RP1: variants seen among roughly 807,000 people sequenced by gnomAD.
RP1 encodes the protein oxygen-regulated protein 1.
A neutral mutation model predicts 14.8 loss-of-function variants in RP1; 16 were observed. That is an observed-to-expected ratio of 1.08 (90% CI 0.73 to 1.65). RP1 has a LOEUF of 1.65. RP1 is among the 40% of genes most tolerant of loss of function. The pLI is 0.00. For missense variants in RP1, 2,631 were observed against 2,535.0 expected, an observed-to-expected ratio of 1.04 and a Z score of -0.81; for synonymous variants, 876 against 883.6, an observed-to-expected ratio of 0.99 and a Z score of 0.15.
chr8:54,571,908 G>A (rs1316485912), intron 1 of RP1, among the ~76,000 whole-genome samples: 1 of 152,042 alleles, frequency 6.6e-6, no homozygotes, highest in Non-Finnish European at 1.5e-5. Flanking sequence ...GATTGGATTA[G>A]GGCCTACCCT....
At position 54,759,011 on chromosome 8, in the gene RP1, G is replaced by A. The variant is rs1478135871; in HGVS notation, c.3183G>A (p.Trp1061Ter). Residue 1061 changes from tryptophan (W) to a stop codon, truncating the protein, a stop_gained, in exon 22 of 23, where the codon TGG (tryptophan) becomes TGA (stop). Coordinates refer to the RP1 transcript ENST00000636932. LOFTEE classifies it high-confidence loss of function. The stretch of plus-strand genomic sequence containing the variant: ...AGGCCAGTGACAAATCACAGTACTG[G>A]TACTGTGAACAAGTCATAGTCAGAG... 1 of 1,535,682 alleles carries A rather than the reference G, an allele frequency of 6.5e-7. No homozygotes were observed. The highest frequency in any genetic ancestry group is 8.7e-7 in the Non-Finnish European group (1 of 1,146,850).
At chr8:54,845,085 G>A (rs1811882449) in intron 25 of RP1, among the ~76,000 whole-genome samples, 2 of 152,192 alleles carry the variant, frequency 1.3e-5, no homozygotes, top group South Asian at 4.1e-4. Context: ...AACACATATG[G>A]ACCTGGGTCT....
chr8:54,561,200 A>C (rs1218628743), intron 1 of RP1, among the ~76,000 whole-genome samples: 1 of 152,210 alleles, frequency 6.6e-6, no homozygotes, highest in Non-Finnish European at 1.5e-5. Flanking sequence ...AGAGCTTCTT[A>C]ACTAAATCCC....
intron 11 of RP1, chr8:54,679,687 A>G: frequency 6.5e-7 from 1 of 1,529,090 alleles, no homozygotes; most frequent in Admixed American, 2.0e-5. Context: ...TGACTATTTG[A>G]TGTGTTAAAA....
chr8:54,628,880 T>A lies in RP1; in HGVS notation c.4998T>A (p.Cys1666Ter). 1 of 1,614,140 alleles carries A rather than the reference T, an allele frequency of 6.2e-7. No homozygotes were observed. Among genetic ancestry groups the A allele is most frequent in the Non-Finnish European group, 8.5e-7 (1 of 1,179,976 alleles). ...VCPYNSVEFQ[C>*]SRKASLYDSE... Reference sequence around the variant, plus strand: ...CTTATAATTCTGTGGAATTTCAGTGTTCCAGGAAAGCAAGTCTTTATGATT... The same window carrying A: ...CTTATAATTCTGTGGAATTTCAGTGATCCAGGAAAGCAAGTCTTTATGATT... The change falls in exon 4 of 4, where the codon TGT becomes TGA. Residue 1666 changes from cysteine to a stop codon, truncating the protein, a stop_gained. Transcript: ENST00000220676. LOFTEE classifies it low-confidence loss of function (END_TRUNC).
At chr8:54,652,939 T>C in intron 5 of RP1, 4 of 1,031,226 alleles carry the variant, frequency 3.9e-6, no homozygotes, top group Non-Finnish European at 5.8e-6. Flanking sequence ...CAACTCATCA[T>C]GCCTATAATG....
At chr8:54,559,366 A>G (rs1057108284) in intron 1 of RP1, 1 of 152,202 alleles carries the variant, frequency 6.6e-6, no homozygotes, top group African/African-American at 2.4e-5. Flanking sequence ...TTTATAGGGA[A>G]TGATAACGAA....
chr8:54,753,704 A>G (rs539981921), intron 19 of RP1, among the ~76,000 whole-genome samples: 1 of 152,252 alleles, frequency 6.6e-6, no homozygotes, highest in African/African-American at 2.4e-5. Context: ...TGTATTGAGG[A>G]TTTGGGATTT....
At chr8:54,648,988 G>A in exon 4 of RP1, 1 of 1,503,234 alleles carries the variant, frequency 6.7e-7, no homozygotes, top group South Asian at 1.3e-5. Flanking sequence ...TTTATAGGTA[G>A]TAACTGGAAA....
intron 21 of RP1, among the ~76,000 whole-genome samples, chr8:54,758,612 AG>A (rs1218594152): frequency 6.6e-6 from 1 of 152,190 alleles, no homozygotes; most frequent in East Asian, 1.9e-4. Flanking sequence ...GCTGCTTCTC[AG>A]AGTAGGGGTC....
chr8:54,794,426 C>CGATTGTCAATATTTGACAAT (rs1554533940), intron 24 of RP1, among the ~76,000 whole-genome samples: 5 of 150,876 alleles, frequency 3.3e-5, no homozygotes, highest in Non-Finnish European at 5.9e-5. Flanking sequence ...CATATACGAC[C>CGATTGTCAATATTTGACAAT]GTTTGTCAAT....
At chr8:54,736,578 C>T (rs1202473805) in intron 18 of RP1, among the ~76,000 whole-genome samples, 1 of 152,168 alleles carries the variant, frequency 6.6e-6, no homozygotes, top group Non-Finnish European at 1.5e-5. Context: ...ATTACAGGCA[C>T]CAAGGACTCC....
intron 8 of RP1, among the ~76,000 whole-genome samples, chr8:54,675,121 G>A (rs989262361): frequency 6.6e-6 from 1 of 152,094 alleles, no homozygotes; most frequent in East Asian, 1.9e-4. Context: ...TATGCTCTAT[G>A]CAAGAGACAC....
chr8:54,779,426 C>T (rs1810127505), intron 23 of RP1, among the ~76,000 whole-genome samples: 1 of 152,200 alleles, frequency 6.6e-6, no homozygotes, highest in Admixed American at 6.5e-5. Flanking sequence ...AATTCACATG[C>T]ATCTTCTCTG....
intron 7 of RP1, among the ~76,000 whole-genome samples, chr8:54,667,560 T>G (rs3891726): frequency 6.6e-6 from 1 of 152,142 alleles, no homozygotes; most frequent in African/African-American, 2.4e-5. Flanking sequence ...CTCCTGACTG[T>G]GCAGTGCTAT....
rs573343040 is a variant in RP1, at chr8:54,627,124, A to T, written c.3242A>T (p.Asp1081Val). ...CCTATAGAAGAGGAAACTCCAAAAG[A>T]CCTCTTACCAGTCCTGATGCTTCAC... ...VDPIEEETPK[D>V]LLPVLMLHQL... is the part of the protein sequence containing the mutation. Residue 1081 changes from aspartate (D) to valine (V), a missense_variant, in exon 4 of 4, where the codon GAC becomes GTC. Coordinates refer to ENST00000220676, the MANE Select transcript of RP1 (RefSeq NM_006269.2). 1.9e-6 allele frequency: 3 copies of T among 1,613,978 alleles called. No individual in the cohort carries two copies. In the African/African-American group the frequency reaches 4.0e-5, roughly 22 times the overall value.
chr8:54,837,022 G>T (rs986906115), intron 24 of RP1, among the ~76,000 whole-genome samples: 44 of 152,206 alleles, frequency 2.9e-4, no homozygotes, highest in African/African-American at 1.0e-3. Context: ...GAATCACAGC[G>T]TGAACCCTAG....
At chr8:54,568,737 C>T (rs1466418348) in intron 1 of RP1, among the ~76,000 whole-genome samples, 2 of 152,212 alleles carry the variant, frequency 1.3e-5, no homozygotes, top group Non-Finnish European at 2.9e-5. Flanking sequence ...AAATGAAGTG[C>T]TCTGGTGATG....
chr8:54,821,953 C>T (rs538440814), intron 24 of RP1, among the ~76,000 whole-genome samples: 1 of 152,258 alleles, frequency 6.6e-6, no homozygotes, highest in South Asian at 2.1e-4. Context: ...AGGACCAGTG[C>T]TAAAGGACAG....
Sources: allele counts gnomAD v4.1 joint callset (sites outside exome capture counted in the v4.1 genomes callset), GRCh38; gene constraint gnomAD v4.1.1; transcripts MANE v1.5; gene names NCBI Gene and HGNC (gene_info 2026-07-23, HGNC 2026-07-21).